The following SUFU variants were observed in gnomAD, a reference collection of about 807,000 sequenced individuals.
SUFU encodes the protein suppressor of fused homolog.
Under a neutral mutation model 58.9 loss-of-function variants are expected in SUFU, and 7 were observed. That is an observed-to-expected ratio of 0.12 (90% CI 0.07 to 0.22). The LOEUF is 0.22. SUFU is among the 10% of genes least tolerant of loss of function. The pLI, the probability that SUFU is intolerant of heterozygous loss-of-function variation, is 1.00. For synonymous variants in SUFU, 232 were observed against 254.8 expected (o/e 0.91, Z 0.85); for missense variants, 451 against 641.3 (o/e 0.70, Z 3.20).
In SUFU at chr10:102,597,408, T is replaced by A. The variant is rs971363782; in HGVS notation, c.910+115T>A. ...AAAAACAACCCATTCAATAGTTTAT[T>A]TCCTGGCATGATTTAAACAGCAAGT... On this transcript the variant is annotated intron_variant, in intron 7 of 11. Transcript: ENST00000369902. 1.6e-5 allele frequency: 21 copies of A among 1,346,722 alleles called. No individual in the cohort carries two copies. The African/African-American group carries it at 3.1e-4, about 20-fold the overall frequency. The allele number at this position is 1,346,722 out of a possible 1,614,324, so 83.4% of individuals were successfully genotyped here.
intron 3 of SUFU, among the ~76,000 whole-genome samples, chr10:102,558,146 C>T (rs1455828795): frequency 6.6e-6 from 1 of 152,198 alleles, no homozygotes; most frequent in Non-Finnish European, 1.5e-5. Context: ...AGGTGATCCA[C>T]CCGCCATGGC....
intron 2 of SUFU, among the ~76,000 whole-genome samples, chr10:102,513,436 C>A (rs2062425784): frequency 6.6e-6 from 1 of 152,202 alleles, no homozygotes; most frequent in Non-Finnish European, 1.5e-5. Context: ...CAAGCACCTA[C>A]TTTGTATCAG....
intron 2 of SUFU, among the ~76,000 whole-genome samples, chr10:102,531,248 TTATCTC>T (rs978528846): frequency 2.0e-5 from 3 of 152,064 alleles, no homozygotes; most frequent in Non-Finnish European, 1.5e-5. Flanking sequence ...GAGTGAGACT[TTATCTC>T]TAAAAGAATA....
intron 2 of SUFU, among the ~76,000 whole-genome samples, chr10:102,546,971 C>T (rs945839893): frequency 6.6e-6 from 1 of 152,250 alleles, no homozygotes; most frequent in African/African-American, 2.4e-5. Flanking sequence ...ACGGACCCTC[C>T]TTAGTGAAGT....
intron 8 of SUFU, among the ~76,000 whole-genome samples, chr10:102,602,392 C>T (rs953462621): frequency 1.3e-5 from 2 of 152,210 alleles, no homozygotes; most frequent in Non-Finnish European, 2.9e-5. Context: ...ATTCATCTAA[C>T]TAGTTGCAGC....
intron 3 of SUFU, among the ~76,000 whole-genome samples, chr10:102,566,047 G>A (rs1320462425): frequency 6.6e-6 from 1 of 152,212 alleles, no homozygotes; most frequent in Non-Finnish European, 1.5e-5. Flanking sequence ...CCGCTGGAGA[G>A]TTAGGACAGT....
At position 102,629,957 on chromosome 10, in the gene SUFU, C is replaced by T; in HGVS notation, c.1366-109C>T. The stretch of plus-strand genomic sequence containing the variant: ...GAGAATGAAGCCACGCCTCCCGCGG[C>T]CTGTCCTATCCCTAGCTCCCCGGGG... On this transcript the variant is annotated intron_variant, in intron 11 of 11. Coordinates refer to ENST00000369902, the MANE Select transcript of SUFU (RefSeq NM_016169.4). The surrounding 1 kb of genome is among the most constrained non-coding windows in gnomAD (Gnocchi z 4.7). The T allele has an allele frequency of 2.9e-6, 3 of 1,030,850 alleles. No individual in the cohort carries two copies. The highest frequency in any genetic ancestry group is 2.5e-5 in the South Asian group (2 of 79,248). 63.9% of individuals were successfully genotyped at this position (1,030,850 alleles called of 1,614,324 possible).
chr10:102,607,573 C>G (rs1436596496), intron 8 of SUFU, among the ~76,000 whole-genome samples: 1 of 152,112 alleles, frequency 6.6e-6, no homozygotes, highest in Non-Finnish European at 1.5e-5. Flanking sequence ...TGGAAGAGAG[C>G]TAAAAGCTCA....
At chr10:102,563,771 C>CTT (rs1428805291) in intron 3 of SUFU, among the ~76,000 whole-genome samples, 2 of 150,268 alleles carry the variant, frequency 1.3e-5, no homozygotes, top group Admixed American at 6.6e-5. Context: ...GAGTGAAGTC[C>CTT]TTTTTTTTTT....
intron 1 of SUFU, among the ~76,000 whole-genome samples, chr10:102,504,795 G>A (rs1353822723): frequency 1.3e-5 from 2 of 151,678 alleles, no homozygotes; most frequent in African/African-American, 4.8e-5. Context: ...TGCATAGAAT[G>A]GGGGGTTCGG....
intron 3 of SUFU, among the ~76,000 whole-genome samples, chr10:102,586,952 G>A (rs1317538490): frequency 6.6e-6 from 1 of 152,182 alleles, no homozygotes; most frequent in African/African-American, 2.4e-5. Context: ...GTGAAATCAT[G>A]CAGTATTTGT....
rs1193535026 is a variant in SUFU at position 102,505,272 on chromosome 10, C to G, written c.182+938C>G. 2.0e-5 allele frequency among the ~76,000 whole-genome samples: 3 copies of G among 152,182 alleles called. No homozygotes were observed. In the East Asian group the frequency reaches 5.8e-4, roughly 29 times the overall value. On this transcript the variant is annotated intron_variant, in intron 1 of 11. Coordinates refer to ENST00000369902, the MANE Select transcript of SUFU (RefSeq NM_016169.4). Reference sequence around the variant, plus strand: ...GAATGGTCTTTTCTAATTTCCCATTCCTGTTTGCAGCCTGTTTCTTCCTTC... The same window carrying G: ...GAATGGTCTTTTCTAATTTCCCATTGCTGTTTGCAGCCTGTTTCTTCCTTC...
intron 2 of SUFU, among the ~76,000 whole-genome samples, chr10:102,519,730 T>A (rs535660580): frequency 1.7e-4 from 26 of 152,296 alleles, no homozygotes; most frequent in South Asian, 1.0e-3. Flanking sequence ...TAAAATTTTT[T>A]AAATTCCTTT....
chr10:102,615,679 G>A (rs1184088631), intron 9 of SUFU, among the ~76,000 whole-genome samples: 2 of 152,152 alleles, frequency 1.3e-5, no homozygotes, highest in African/African-American at 2.4e-5. Context: ...CCAGCCAGTC[G>A]CCCCCATGTC....
intron 8 of SUFU, among the ~76,000 whole-genome samples, chr10:102,610,952 C>A (rs1243022257): frequency 1.3e-5 from 2 of 152,142 alleles, no homozygotes. Context: ...GAGGAGGTTA[C>A]AAAGAGTAGA....
chr10:102,556,391 C>T (rs1257369963), intron 3 of SUFU, among the ~76,000 whole-genome samples: 1 of 152,172 alleles, frequency 6.6e-6, no homozygotes, highest in Non-Finnish European at 1.5e-5. Context: ...GCAGTGAAGG[C>T]TTCCAGATAT....
chr10:102,580,027 G>GCTC (rs1378925159), intron 3 of SUFU, among the ~76,000 whole-genome samples: 2 of 41,950 alleles, frequency 4.8e-5, no homozygotes, highest in African/African-American at 9.0e-5. Context: ...CTCCTCCCCC[G>GCTC]CACCCCCCCC....
At chr10:102,519,730 T>C (rs535660580) in intron 2 of SUFU, among the ~76,000 whole-genome samples, 1 of 152,178 alleles carries the variant, frequency 6.6e-6, no homozygotes, top group Non-Finnish European at 1.5e-5. Flanking sequence ...TAAAATTTTT[T>C]AAATTCCTTT....
chr10:102,512,780 A>G (rs2062416436), intron 2 of SUFU, among the ~76,000 whole-genome samples: 2 of 152,192 alleles, frequency 1.3e-5, no homozygotes, highest in African/African-American at 2.4e-5. Flanking sequence ...AAGTACTTCT[A>G]TAGGCTGCGC....
Sources: gnomAD v4.1 joint callset for allele counts (sites outside exome capture counted in the v4.1 genomes callset) on GRCh38, gnomAD v4.1.1 for gene constraint, Gnocchi (gnomAD v3.1) non-coding constraint, MANE v1.5 for transcripts, NCBI Gene and HGNC (gene_info 2026-07-23, HGNC 2026-07-21) for gene names.